FNBP1: variants seen among roughly 807,000 people sequenced by gnomAD.
The protein encoded by FNBP1 is formin-binding protein 1.
FNBP1 carries 26 observed loss-of-function variants against 90.6 expected under a neutral mutation model. The ratio of observed to expected loss-of-function variants is 0.29; its 90% CI spans 0.21 to 0.40. The LOEUF (loss-of-function observed/expected upper bound fraction) is 0.40. Ranked by LOEUF, FNBP1 falls within the 10% of genes least tolerant of loss-of-function variation. The pLI, the probability that FNBP1 is intolerant of heterozygous loss-of-function variation, is 1.00. For missense variants in FNBP1, 635 were observed against 768.0 expected, an observed-to-expected ratio of 0.83 and a Z score of 2.05; for synonymous variants, 260 against 265.2, an observed-to-expected ratio of 0.98 and a Z score of 0.19.
chr9:129,956,242 A>C (rs868376213), intron 6 of FNBP1, among the ~76,000 whole-genome samples: 72 of 152,316 alleles, frequency 4.7e-4, no homozygotes, highest in African/African-American at 1.7e-3. Flanking sequence ...GTCTTTAAGC[A>C]AGGAATTTGG....
At position 129,887,670 on chromosome 9, in the gene FNBP1, T is replaced by A. The variant is rs921400271; in HGVS notation, c.*2869A>T. 1.4e-5 allele frequency: 3 copies of A among 219,782 alleles called. No homozygotes were observed. The highest frequency in any genetic ancestry group is 6.7e-5 in the African/African-American group (3 of 44,584). The allele number at this position is 219,782 out of a possible 1,614,324, so 13.6% of individuals were successfully genotyped here. ...CCCCAAGGAACAGCCCATGACAACC[T>A]TCTGTGCCTTTTTATACTTTCCCAT... is the stretch of plus-strand genomic sequence containing the variant. On this transcript the variant is annotated 3_prime_UTR_variant, in exon 17 of 17. Transcript: ENST00000446176.
intron 3 of FNBP1, among the ~76,000 whole-genome samples, chr9:129,978,949 G>C (rs1411622035): frequency 6.6e-6 from 1 of 152,172 alleles, no homozygotes; most frequent in African/African-American, 2.4e-5. Flanking sequence ...TATTTGAGTG[G>C]TCTGTGTTAA....
At chr9:130,013,362 T>C (rs1208227205) in intron 1 of FNBP1, among the ~76,000 whole-genome samples, 1 of 152,128 alleles carries the variant, frequency 6.6e-6, no homozygotes, top group Non-Finnish European at 1.5e-5. Flanking sequence ...AATAAATATA[T>C]TTAGCTTAAT....
At position 129,960,393 on chromosome 9, in the gene FNBP1, A is replaced by G. The variant is rs908097371; in HGVS notation, c.346-1840T>C. Among the ~76,000 whole-genome samples the G allele has an allele frequency of 8.7e-5, 13 of 149,772 alleles. 2 individuals carry two copies. The highest frequency in any genetic ancestry group is 2.9e-4 in the African/African-American group (12 of 40,732). Reference sequence around the variant, plus strand: ...ATCAAGACTCCATCTCAAAAAAAAAAAAAAAAAAAAGAAAAAGAAAAAGAA... The same window carrying G: ...ATCAAGACTCCATCTCAAAAAAAAAGAAAAAAAAAAGAAAAAGAAAAAGAA... On this transcript the variant is annotated intron_variant, in intron 4 of 16. Coordinates refer to ENST00000446176, the MANE Select transcript of FNBP1 (RefSeq NM_015033.3).
chr9:129,897,119 T>TC (rs1164696918), intron 15 of FNBP1, among the ~76,000 whole-genome samples: 1 of 152,168 alleles, frequency 6.6e-6, no homozygotes, highest in Non-Finnish European at 1.5e-5. Flanking sequence ...CTTTTCCACT[T>TC]CCCTAGACCT....
At chr9:129,909,987 C>T (rs537834736) in intron 11 of FNBP1, among the ~76,000 whole-genome samples, 5 of 152,286 alleles carry the variant, frequency 3.3e-5, no homozygotes, top group South Asian at 2.1e-4. Context: ...CTCATCTCCG[C>T]GGTTTTTAAT....
intron 1 of FNBP1, among the ~76,000 whole-genome samples, chr9:130,016,388 T>G (rs1359789494): frequency 6.6e-6 from 1 of 152,170 alleles, no homozygotes; most frequent in Non-Finnish European, 1.5e-5. Context: ...CAATACCTGA[T>G]TCATCACATC....
At chr9:130,030,449 A>C (rs2058706518) in intron 1 of FNBP1, among the ~76,000 whole-genome samples, 1 of 152,038 alleles carries the variant, frequency 6.6e-6, no homozygotes, top group African/African-American at 2.4e-5. Context: ...AAAAAAAAAA[A>C]AAATCTAAAC....
intron 1 of FNBP1, chr9:130,013,865 T>C: frequency 2.3e-6 from 1 of 430,644 alleles, no homozygotes; most frequent in Non-Finnish European, 4.6e-6. Flanking sequence ...GCCCTCTTGC[T>C]CTCTTGCCCT....
At chr9:129,996,072 T>C (rs1447896132) in intron 1 of FNBP1, among the ~76,000 whole-genome samples, 1 of 152,164 alleles carries the variant, frequency 6.6e-6, no homozygotes, top group Non-Finnish European at 1.5e-5. Flanking sequence ...AGAGTGACTT[T>C]CAGGTTCTGC....
chr9:129,983,887 C>G (rs1465886055), intron 2 of FNBP1, among the ~76,000 whole-genome samples: 1 of 152,074 alleles, frequency 6.6e-6, no homozygotes, highest in Non-Finnish European at 1.5e-5. Context: ...CTTAAAAAAA[C>G]TTTTGATTTA....
chr9:130,004,077 A>T (rs1350317248), intron 1 of FNBP1, among the ~76,000 whole-genome samples: 1 of 151,986 alleles, frequency 6.6e-6, no homozygotes, highest in Non-Finnish European at 1.5e-5. Flanking sequence ...GGTCAACTTT[A>T]ATATGGTGTT....
At chr9:129,958,207 G>A (rs1204273955) in intron 5 of FNBP1, among the ~76,000 whole-genome samples, 2 of 152,072 alleles carry the variant, frequency 1.3e-5, no homozygotes, top group Non-Finnish European at 2.9e-5. Context: ...CGAGGTGGGC[G>A]AATCACTTCA....
chr9:129,998,145 G>A (rs996572114), intron 1 of FNBP1, among the ~76,000 whole-genome samples: 18 of 134,120 alleles, frequency 1.3e-4, no homozygotes, highest in Non-Finnish European at 2.3e-4. Context: ...GCAGTGAGCC[G>A]AGATTGTACC....
the FNBP1 span, among the ~76,000 whole-genome samples, chr9:130,051,016 T>A: frequency 6.6e-6 from 1 of 151,964 alleles, no homozygotes; most frequent in Non-Finnish European, 1.5e-5. Context: ...TTCTCCTGTC[T>A]CAGCCTCCTG....
intron 6 of FNBP1, among the ~76,000 whole-genome samples, chr9:129,949,818 A>G (rs2045898533): frequency 6.6e-6 from 1 of 152,206 alleles, no homozygotes; most frequent in Non-Finnish European, 1.5e-5. Context: ...CTCAAAAAGA[A>G]AAGAAAATCA....
At chr9:130,021,926 A>G (rs2057870758) in intron 1 of FNBP1, among the ~76,000 whole-genome samples, 1 of 152,116 alleles carries the variant, frequency 6.6e-6, no homozygotes, top group South Asian at 2.1e-4. Flanking sequence ...TAGTGGTGCT[A>G]TCTTGGCTCA....
intron 10 of FNBP1, 33 bp downstream of exon 10, chr9:129,923,811 G>T (rs558583103): frequency 2.0e-6 from 3 of 1,528,674 alleles, no homozygotes; most frequent in South Asian, 2.5e-5. Context: ...ACCAAAGCAC[G>T]CCAGAGAGAC....
intron 1 of FNBP1, among the ~76,000 whole-genome samples, chr9:130,014,291 G>A (rs535682267): frequency 6.9e-5 from 10 of 143,902 alleles, no homozygotes; most frequent in African/African-American, 1.8e-4. Flanking sequence ...TTGCTGTGCC[G>A]CCCAGGCTGG....
Sources: allele counts gnomAD v4.1 joint callset (sites outside exome capture counted in the v4.1 genomes callset), GRCh38; gene constraint gnomAD v4.1.1; transcripts MANE v1.5; gene names NCBI Gene and HGNC (gene_info 2026-07-23, HGNC 2026-07-21).